MTCH1: variants seen among roughly 807,000 people sequenced by gnomAD.
MTCH1 encodes mitochondrial carrier homolog 1.
MTCH1 carries 23 observed loss-of-function variants against 49.3 expected under a neutral mutation model. That is an observed-to-expected ratio of 0.47 (90% CI 0.34 to 0.66). The LOEUF is 0.66. MTCH1 is among the 30% of genes least tolerant of loss of function. The pLI is 0.01. For missense variants in MTCH1, 397 were observed against 532.1 expected (o/e 0.75, Z 2.50); for synonymous variants, 229 against 215.2 (o/e 1.06, Z -0.56).
Position 36,977,390 on chromosome 6 carries a change from G to T in MTCH1, c.650-140C>A. ...AGCAGGAGAGGAAGAGGGCCTTTCG[G>T]ATTCCCTGTTACACCCCATGACCAC... On this transcript the variant is annotated intron_variant, in intron 5 of 11. Coordinates refer to ENST00000373627, the MANE Select transcript of MTCH1 (RefSeq NM_001271641.2). The surrounding 1 kb of genome is among the most constrained non-coding windows in gnomAD (Gnocchi z 5.4). The T allele has an allele frequency of 1.1e-6, 1 of 874,500 alleles. No individual in the cohort carries two copies. 54.2% of individuals were successfully genotyped at this position (874,500 alleles called of 1,614,324 possible).
chr6:36,985,819 C>T (rs1226348794), intron 1 of MTCH1, 34 bp downstream of exon 1: 2 of 1,548,346 alleles, frequency 1.3e-6, no homozygotes, highest in Admixed American at 2.0e-5. Context: ...TCACATCAGC[C>T]TCCCATCTCC....
intron 1 of MTCH1, among the ~76,000 whole-genome samples, chr6:36,985,618 T>C (rs1295408777): frequency 1.3e-5 from 2 of 152,044 alleles, no homozygotes; most frequent in Non-Finnish European, 2.9e-5. Context: ...CTCTCCCGTA[T>C]CTGTTATTAC....
chr6:36,977,286 G>C lies in MTCH1; in HGVS notation c.650-36C>G, dbSNP rs2293388. On this transcript the variant is annotated intron_variant, in intron 5 of 11. Coordinates refer to ENST00000373627, the MANE Select transcript of MTCH1 (RefSeq NM_001271641.2). This position sits in a 1 kb window ranked among gnomAD's most constrained non-coding sequence, Gnocchi z 5.4. ...AAAAGAAAACACACACAGGTGATGT[G>C]GTGGGCCACACTTCATAATGCTCCA... 212,653 of 1,609,676 alleles carry C rather than the reference G, an allele frequency of 0.13. 14,786 individuals carry two copies. The highest frequency in any genetic ancestry group is 0.17 in the Admixed American group (10,368 of 59,992).
chr6:36,975,801 G>T (rs991866176), intron 6 of MTCH1, 84 bp from the exon 7 acceptor site: 41 of 1,251,610 alleles, frequency 3.3e-5, no homozygotes, highest in Non-Finnish European at 4.2e-5. Flanking sequence ...GAGCCCACCA[G>T]TTCTGCTCAA....
intron 8 of MTCH1, chr6:36,970,895 A>G (rs1763660152): frequency 1.6e-6 from 1 of 638,246 alleles, no homozygotes; most frequent in Admixed American, 2.4e-5. Context: ...GAGTCCCGAG[A>G]AGGAGACCCG....
At position 36,984,631 on chromosome 6, in the gene MTCH1, C is replaced by G. The variant is rs1285723873; in HGVS notation, c.321+1222G>C. On this transcript the variant is annotated intron_variant, in intron 1 of 11. Coordinates refer to ENST00000373627, the MANE Select transcript of MTCH1 (RefSeq NM_001271641.2). ...CCCCAAGCTTCTTAACTGGAAAATT[C>G]TGGCCTAATGACCCCCATCAAAACT... Among the ~76,000 whole-genome samples the G allele has an allele frequency of 2.6e-5, 4 of 152,040 alleles. No homozygotes were observed. In the East Asian group the frequency reaches 7.7e-4, roughly 29 times the overall value.
chr6:36,970,031 T>C lies in MTCH1; in HGVS notation c.1098+8A>G, dbSNP rs753655891. On this transcript the variant is annotated splice_region_variant and intron_variant, in intron 11 of 11. Coordinates refer to ENST00000373627, the MANE Select transcript of MTCH1 (RefSeq NM_001271641.2). Reference sequence around the variant, plus strand: ...AGGAAAGGCCTCCGCCGTCCAGTGCTTGCTCACCTGCACACTCAGGTACTT... The same window carrying C: ...AGGAAAGGCCTCCGCCGTCCAGTGCCTGCTCACCTGCACACTCAGGTACTT... 6.2e-7 allele frequency: 1 copy of C among 1,614,114 alleles called. No homozygotes were observed. The highest frequency in any genetic ancestry group is 8.5e-7 in the Non-Finnish European group (1 of 1,179,986).
At position 36,985,892 on chromosome 6, in the gene MTCH1, C is replaced by T. The variant is rs1422584764; in HGVS notation, c.282G>A (p.Ala94=). ...TCACGTAGAGCAGGGGATGGCTGAG[C>T]GCCGTCACGCCCGCGCCCAGTGCCA... ...LFVALGAGVT[A]LSHPLLYVKL... The change falls in exon 1 of 12, where the codon GCG becomes GCA. Residue 94 remains alanine, a synonymous_variant. Transcript: ENST00000373627. 6.4e-7 allele frequency: 1 copy of T among 1,559,134 alleles called. No homozygotes were observed. The highest frequency in any genetic ancestry group is 8.7e-7 in the Non-Finnish European group (1 of 1,151,520).
rs1275397338 is a variant in MTCH1 at position 36,975,685 on chromosome 6, T to C, written c.734A>G (p.Lys245Arg). 7 of 1,614,018 alleles carry C rather than the reference T, an allele frequency of 4.3e-6. No individual in the cohort carries two copies. The highest frequency in any genetic ancestry group is 4.0e-5 in the African/African-American group (3 of 75,002). ...GVLSSIGKIF[K>R]EEGLLGFFVG... is the part of the protein sequence containing the mutation. ...GAAGAATCCCAGCAGCCCTTCCTCT[T>C]TGAAAATCTTCCCAATGGAGCTCAG... The change falls in exon 7 of 12, where the codon AAA becomes AGA. Residue 245 changes from lysine (K) to arginine (R), a missense_variant. Lys to Arg is a conservative substitution (Grantham distance 26). Transcript: ENST00000373627.
chr6:36,986,204 C>T, upstream of MTCH1: 2 of 1,409,068 alleles, frequency 1.4e-6, no homozygotes, highest in Non-Finnish European at 9.2e-7. Flanking sequence ...CTCCCCGTCA[C>T]GTGACGGGGC....
Position 36,977,583 on chromosome 6 carries a change from C to A in MTCH1, c.649+51G>T, listed in dbSNP as rs374803228. ...CCACGAGGGGGCGCCCCTCACCCCA[C>A]GCCCCCGACGCCAGCTTAGATACAG... On this transcript the variant is annotated intron_variant, in intron 5 of 11. Coordinates refer to ENST00000373627, the MANE Select transcript of MTCH1 (RefSeq NM_001271641.2). The surrounding 1 kb of genome is among the most constrained non-coding windows in gnomAD (Gnocchi z 5.4). The A allele has an allele frequency of 1.5e-6, 2 of 1,361,898 alleles. No individual in the cohort carries two copies. Among genetic ancestry groups the A allele is most frequent in the East Asian group, 2.4e-5 (1 of 41,198 alleles). 84.4% of individuals were successfully genotyped at this position (1,361,898 alleles called of 1,614,324 possible).
chr6:36,978,038 C>T, intron 4 of MTCH1, 40 bp downstream of exon 4: 1 of 1,535,296 alleles, frequency 6.5e-7, no homozygotes, highest in Non-Finnish European at 9.0e-7. Flanking sequence ...CATCAGGCTC[C>T]CCTCCACGCA....
intron 8 of MTCH1, 65 bp from the exon 9 acceptor site, chr6:36,970,759 A>G (rs1763655319): frequency 1.3e-6 from 2 of 1,523,564 alleles, no homozygotes; most frequent in Non-Finnish European, 1.8e-6. Context: ...TCAGCAACAC[A>G]TGCCCTCACC....
Position 36,968,468 on chromosome 6 carries a change from C to T in MTCH1, c.*435G>A, listed in dbSNP as rs1259396111. The T allele has an allele frequency of 8.8e-6, 3 of 342,342 alleles. No individual in the cohort carries two copies. Among genetic ancestry groups the T allele is most frequent in the Non-Finnish European group, 1.2e-5 (2 of 172,896 alleles). 21.2% of individuals were successfully genotyped at this position (342,342 alleles called of 1,614,324 possible). On this transcript the variant is annotated 3_prime_UTR_variant, in exon 12 of 12. Coordinates refer to ENST00000373627, the MANE Select transcript of MTCH1 (RefSeq NM_001271641.2). ...TGATGGTGGCCACGTGCCAGGGGAC[C>T]ACACCCTATGTACAAAGCAGGAGAA...
At chr6:36,969,361 C>A in intron 11 of MTCH1, 1 of 1,086,690 alleles carries the variant, frequency 9.2e-7, no homozygotes. Flanking sequence ...GTCCTCTTCT[C>A]AGCCTCGAGG....
At chr6:36,976,623 A>T (rs746823250) in intron 6 of MTCH1, 2 of 470,196 alleles carry the variant, frequency 4.3e-6, no homozygotes, top group South Asian at 3.1e-5. Context: ...GACCCCAGGA[A>T]ATGAGAATCT....
chr6:36,976,135 G>A (rs6909984), intron 6 of MTCH1, among the ~76,000 whole-genome samples: 36,205 of 152,036 alleles, frequency 0.24, 4,421 homozygotes, highest in South Asian at 0.34. Context: ...GTAGGAGGGG[G>A]TAGTAAGCAA....
Position 36,986,114 on chromosome 6 carries a change from C to T in MTCH1, c.60G>A (p.Ala20=), listed in dbSNP as rs754929016. 30 of 1,437,294 alleles carry T rather than the reference C, an allele frequency of 2.1e-5. No individual in the cohort carries two copies. The South Asian group carries it at 4.0e-4, about 19-fold the overall frequency. 89.0% of individuals were successfully genotyped at this position (1,437,294 alleles called of 1,614,324 possible). ...PWARGGAAGM[A]GAGAGAGARG... is the part of the protein sequence containing the mutation. ...GAGCTCCGGCTCCAGCTCCGGCTCC[C>T]GCCATCCCCGCGGCACCGCCGCGAG... Residue 20 remains alanine (A), a synonymous_variant, in exon 1 of 12, where the codon GCG becomes GCA. Transcript: ENST00000373627.
chr6:36,978,875 C>CTTTTTTTTTTTTT (rs11322816), intron 2 of MTCH1, among the ~76,000 whole-genome samples: 1 of 100,420 alleles, frequency 1.0e-5, no homozygotes, highest in Non-Finnish European at 1.9e-5. Context: ...TCCCTCCCTC[C>CTTTTTTTTTTTTT]TTTTTTTTTT....
Sources: gnomAD v4.1 joint callset for allele counts (sites outside exome capture counted in the v4.1 genomes callset) on GRCh38, gnomAD v4.1.1 for gene constraint, Gnocchi (gnomAD v3.1) non-coding constraint, MANE v1.5 for transcripts, NCBI Gene and HGNC (gene_info 2026-07-23, HGNC 2026-07-21) for gene names.